The following RAB38 variants were observed in gnomAD, a reference collection of about 807,000 sequenced individuals.
The protein encoded by RAB38 is ras-related protein Rab-38.
Under a neutral mutation model 18.4 loss-of-function variants are expected in RAB38, and 15 were observed. That is an observed-to-expected ratio of 0.82 (90% CI 0.55 to 1.26). The LOEUF is 1.26. Among genes scored for constraint, RAB38 ranks in the 50% most tolerant of loss-of-function variants. The probability of loss-of-function intolerance (pLI) is 0.00; values close to 1 mark genes in which losing one functional copy is unlikely to be tolerated. For synonymous variants in RAB38, 101 were observed against 104.4 expected (o/e 0.97, Z 0.20); for missense variants, 294 against 267.4 (o/e 1.10, Z -0.69).
At chr11:88,043,460 A>G in the RAB38 span, among the ~76,000 whole-genome samples, 1 of 152,144 alleles carries the variant, frequency 6.6e-6, no homozygotes, top group Non-Finnish European at 1.5e-5. Context: ...CTGCACGTAT[A>G]CATCCAGATG....
chr11:87,966,404 G>A, the RAB38 span, among the ~76,000 whole-genome samples: 1 of 152,104 alleles, frequency 6.6e-6, no homozygotes, highest in Non-Finnish European at 1.5e-5. Context: ...TGGGCTCCAA[G>A]GGAAAAGAGA....
chr11:88,142,271 T>G (rs1414250989), intron 2 of RAB38, among the ~76,000 whole-genome samples: 1 of 152,214 alleles, frequency 6.6e-6, no homozygotes, highest in Non-Finnish European at 1.5e-5. Context: ...AGCAAGTCCC[T>G]TAATCATACC....
the RAB38 span, among the ~76,000 whole-genome samples, chr11:87,928,818 T>C: frequency 6.6e-6 from 1 of 152,096 alleles, no homozygotes; most frequent in South Asian, 2.1e-4. Context: ...TTTTGAATTA[T>C]ATAAGAAAAA....
At chr11:87,928,677 G>A in the RAB38 span, among the ~76,000 whole-genome samples, 1 of 151,968 alleles carries the variant, frequency 6.6e-6, no homozygotes, top group African/African-American at 2.4e-5. Flanking sequence ...ATGAATTTTA[G>A]ATGAATTTGC....
At chr11:88,079,789 A>AAAAAAAT in the RAB38 span, among the ~76,000 whole-genome samples, 1 of 151,722 alleles carries the variant, frequency 6.6e-6, no homozygotes, top group Admixed American at 6.6e-5. Flanking sequence ...ATAAAAAAGA[A>AAAAAAAT]AAAAAATATA....
intron 2 of RAB38, among the ~76,000 whole-genome samples, chr11:88,142,517 G>A (rs1942928555): frequency 6.6e-6 from 1 of 152,176 alleles, no homozygotes; most frequent in Non-Finnish European, 1.5e-5. Context: ...CCTTTCCATA[G>A]GTATCTGTAG....
the RAB38 span, among the ~76,000 whole-genome samples, chr11:88,004,508 A>ATTG: frequency 1.3e-5 from 2 of 151,278 alleles, no homozygotes. Context: ...AAAAACCTAC[A>ATTG]AGAAACATTA....
chr11:87,820,581 C>G, the RAB38 span, among the ~76,000 whole-genome samples: 2 of 152,144 alleles, frequency 1.3e-5, no homozygotes, highest in Admixed American at 6.6e-5. Context: ...ACTCGGCAGT[C>G]TTCACCTTTT....
the RAB38 span, among the ~76,000 whole-genome samples, chr11:87,876,975 C>T: frequency 6.6e-6 from 1 of 151,686 alleles, no homozygotes; most frequent in South Asian, 2.1e-4. Context: ...CTTAAATCAA[C>T]TGTGAAATCA....
the RAB38 span, among the ~76,000 whole-genome samples, chr11:87,909,397 G>T: frequency 6.6e-6 from 1 of 151,942 alleles, no homozygotes; most frequent in Non-Finnish European, 1.5e-5. Flanking sequence ...CAAATTCATT[G>T]CATTCTTTCT....
chr11:88,058,486 T>C, the RAB38 span, among the ~76,000 whole-genome samples: 1 of 152,148 alleles, frequency 6.6e-6, no homozygotes, highest in Non-Finnish European at 1.5e-5. Context: ...AGGTTTTTGA[T>C]CTGCATAATT....
At chr11:87,837,311 T>A in the RAB38 span, among the ~76,000 whole-genome samples, 1 of 152,312 alleles carries the variant, frequency 6.6e-6, no homozygotes, top group Non-Finnish European at 1.5e-5. Context: ...TCCATGAGGG[T>A]ACATCTGTAT....
At chr11:87,823,782 A>G in the RAB38 span, among the ~76,000 whole-genome samples, 2 of 152,172 alleles carry the variant, frequency 1.3e-5, no homozygotes, top group Admixed American at 1.3e-4. Context: ...ATAAAATATG[A>G]TATGTTCATA....
the RAB38 span, among the ~76,000 whole-genome samples, chr11:87,883,579 T>C: frequency 2.0e-5 from 3 of 151,956 alleles, no homozygotes; most frequent in African/African-American, 4.8e-5. Flanking sequence ...TTGCCTTACA[T>C]GGCAAAGGGA....
chr11:87,945,647 G>T, the RAB38 span, among the ~76,000 whole-genome samples: 1 of 152,118 alleles, frequency 6.6e-6, no homozygotes, highest in Non-Finnish European at 1.5e-5. Flanking sequence ...ATAAAAATAG[G>T]ATGTCAGAGC....
chr11:87,962,329 A>G, the RAB38 span, among the ~76,000 whole-genome samples: 3 of 152,200 alleles, frequency 2.0e-5, no homozygotes, highest in Non-Finnish European at 4.4e-5. Context: ...AAACTTTGTC[A>G]TATGTGACTG....
chr11:88,065,978 C>T, the RAB38 span, among the ~76,000 whole-genome samples: 1 of 152,212 alleles, frequency 6.6e-6, no homozygotes, highest in African/African-American at 2.4e-5. Context: ...AAACTCCTGC[C>T]TCATTTAAGG....
the RAB38 span, among the ~76,000 whole-genome samples, chr11:87,928,598 T>TA: frequency 6.6e-6 from 1 of 151,934 alleles, no homozygotes; most frequent in Non-Finnish European, 1.5e-5. Context: ...CATAACGATA[T>TA]AAAAAAATTC....
chr11:88,067,358 A>G, the RAB38 span, among the ~76,000 whole-genome samples: 1 of 152,034 alleles, frequency 6.6e-6, no homozygotes. Context: ...AATGAAAAAA[A>G]AAAAAAAAAG....
Sources: allele counts gnomAD v4.1 joint callset (sites outside exome capture counted in the v4.1 genomes callset), GRCh38; gene constraint gnomAD v4.1.1; transcripts MANE v1.5; gene names NCBI Gene and HGNC (gene_info 2026-07-23, HGNC 2026-07-21).